Variants in LMX1A observed in about 807,000 individuals in gnomAD.
The protein encoded by LMX1A is LIM homeobox transcription factor 1-alpha.
In LMX1A, 15 loss-of-function variants were observed where a neutral mutation model predicts 49.1. The observed-to-expected ratio is 0.31, with a 90% CI of 0.20 to 0.47. The LOEUF (loss-of-function observed/expected upper bound fraction) is 0.47, where lower values mean the gene tolerates loss of function less well. LMX1A is among the 20% of genes least tolerant of loss of function. The pLI, the probability that LMX1A is intolerant of heterozygous loss-of-function variation, is 1.00. For synonymous variants in LMX1A, 167 were observed against 185.7 expected (o/e 0.90, Z 0.82); for missense variants, 372 against 475.8 (o/e 0.78, Z 2.03).
At chr1:165,281,654 T>C (rs1367569692) in intron 3 of LMX1A, among the ~76,000 whole-genome samples, 1 of 152,172 alleles carries the variant, frequency 6.6e-6, no homozygotes, top group African/African-American at 2.4e-5. Flanking sequence ...AGGAGATCAA[T>C]GTGTGCATTT....
intron 8 of LMX1A, among the ~76,000 whole-genome samples, chr1:165,204,973 A>G (rs1227500703): frequency 6.6e-6 from 1 of 152,170 alleles, no homozygotes; most frequent in Non-Finnish European, 1.5e-5. Flanking sequence ...GATATGGGAA[A>G]GTAGGCGTGA....
chr1:165,250,921 G>T (rs1267859927), intron 3 of LMX1A, among the ~76,000 whole-genome samples: 1 of 152,134 alleles, frequency 6.6e-6, no homozygotes, highest in Non-Finnish European at 1.5e-5. Flanking sequence ...CTGTGTGAAG[G>T]CCTGGAGCCA....
intron 3 of LMX1A, among the ~76,000 whole-genome samples, chr1:165,278,840 A>T (rs1344535803): frequency 6.6e-6 from 1 of 152,216 alleles, no homozygotes; most frequent in East Asian, 1.9e-4. Flanking sequence ...CTGGAGCATT[A>T]ACCCTGCACC....
At chr1:165,323,316 A>G (rs1655476675) in intron 3 of LMX1A, among the ~76,000 whole-genome samples, 1 of 152,242 alleles carries the variant, frequency 6.6e-6, no homozygotes, top group Non-Finnish European at 1.5e-5. Context: ...ATGTAAGGTC[A>G]TAATATAATC....
chr1:165,254,741 TC>T (rs1214171543), intron 3 of LMX1A, among the ~76,000 whole-genome samples: 4 of 152,098 alleles, frequency 2.6e-5, no homozygotes, highest in African/African-American at 9.7e-5. Context: ...CATGGTTACT[TC>T]CCCCACTGAA....
chr1:165,279,489 A>G (rs1325055528), intron 3 of LMX1A, among the ~76,000 whole-genome samples: 1 of 152,178 alleles, frequency 6.6e-6, no homozygotes, highest in Admixed American at 6.5e-5. Context: ...ACTGGCATTA[A>G]TTCCATCTAC....
At chr1:165,239,843 TG>T (rs1652582884) in intron 4 of LMX1A, among the ~76,000 whole-genome samples, 2 of 152,208 alleles carry the variant, frequency 1.3e-5, no homozygotes, top group African/African-American at 4.8e-5. Flanking sequence ...ACCAAGCCTT[TG>T]GGCCCAGAGA....
chr1:165,301,736 A>AG (rs1424228181), intron 3 of LMX1A, among the ~76,000 whole-genome samples: 1 of 152,238 alleles, frequency 6.6e-6, no homozygotes, highest in Admixed American at 6.5e-5. Flanking sequence ...AAACAAAACA[A>AG]AACAAGAACA....
chr1:165,300,982 A>G (rs1654758370), intron 3 of LMX1A, among the ~76,000 whole-genome samples: 2 of 152,166 alleles, frequency 1.3e-5, no homozygotes, highest in African/African-American at 4.8e-5. Context: ...AGTAGGCTCA[A>G]TCTGTAATGA....
intron 4 of LMX1A, among the ~76,000 whole-genome samples, chr1:165,219,384 A>AGCCT (rs1239722470): frequency 6.6e-6 from 1 of 152,148 alleles, no homozygotes; most frequent in Non-Finnish European, 1.5e-5. Context: ...CCCAGAGATG[A>AGCCT]GCCTCATAAA....
intron 4 of LMX1A, among the ~76,000 whole-genome samples, chr1:165,221,951 GCA>G (rs1384715927): frequency 7.5e-5 from 10 of 132,956 alleles, no homozygotes; most frequent in Non-Finnish European, 1.1e-4. Context: ...ACACGCACAC[GCA>G]CACACACACG....
At chr1:165,207,217 G>T (rs1651123234) in intron 7 of LMX1A, among the ~76,000 whole-genome samples, 1 of 152,210 alleles carries the variant, frequency 6.6e-6, no homozygotes, top group Non-Finnish European at 1.5e-5. Context: ...CCTGTTTTAA[G>T]GTACAGACCA....
intron 3 of LMX1A, among the ~76,000 whole-genome samples, chr1:165,332,080 G>A (rs7542963): frequency 0.89 from 135,975 of 152,130 alleles, 61,008 homozygotes; most frequent in Middle Eastern, 0.95. Context: ...TGAATTTTTA[G>A]GGAGGTATAT....
chr1:165,296,162 A>G (rs896846052), intron 3 of LMX1A, among the ~76,000 whole-genome samples: 3 of 152,212 alleles, frequency 2.0e-5, no homozygotes, highest in Admixed American at 1.3e-4. Flanking sequence ...ACTTTTCAAA[A>G]GACATGGTGA....
chr1:165,252,307 A>G (rs1653089798), intron 3 of LMX1A, among the ~76,000 whole-genome samples: 1 of 152,242 alleles, frequency 6.6e-6, no homozygotes, highest in South Asian at 2.1e-4. Context: ...CACATAATAG[A>G]TATCCAATAA....
intron 3 of LMX1A, among the ~76,000 whole-genome samples, chr1:165,272,683 C>T (rs148628086): frequency 1.4e-3 from 212 of 152,196 alleles, no homozygotes; most frequent in African/African-American, 4.8e-3. Context: ...CATTGCCTGG[C>T]GAGTGCTGAA....
intron 3 of LMX1A, among the ~76,000 whole-genome samples, chr1:165,282,957 G>A (rs1654196114): frequency 6.6e-6 from 1 of 152,180 alleles, no homozygotes. Context: ...CCTCTACTCT[G>A]ACTTATAAAA....
intron 3 of LMX1A, among the ~76,000 whole-genome samples, chr1:165,265,210 A>AG (rs1653586173): frequency 6.6e-6 from 1 of 151,718 alleles, no homozygotes; most frequent in Non-Finnish European, 1.5e-5. Flanking sequence ...TCTCAAAAAA[A>AG]AAAAAAAAGA....
rs911178311 is a variant in LMX1A at position 165,202,319 on chromosome 1, A to C, written c.*1561T>G. On this transcript the variant is annotated 3_prime_UTR_variant, in exon 9 of 9. Transcript: ENST00000342310. Reference sequence around the variant, plus strand: ...CATCCTAGCACCGCAACTGGAGACCAGGGTGTGGAACTGTCCCCATGTACA... The same window carrying C: ...CATCCTAGCACCGCAACTGGAGACCCGGGTGTGGAACTGTCCCCATGTACA... The C allele has an allele frequency of 8.5e-5, 13 of 152,668 alleles. No homozygotes were observed. Among genetic ancestry groups the C allele is most frequent in the African/African-American group, 3.1e-4 (13 of 41,456 alleles). 9.5% of individuals were successfully genotyped at this position (152,668 alleles called of 1,614,324 possible).
Sources: allele counts gnomAD v4.1 joint callset (sites outside exome capture counted in the v4.1 genomes callset), GRCh38; gene constraint gnomAD v4.1.1; transcripts MANE v1.5; gene names NCBI Gene and HGNC (gene_info 2026-07-23, HGNC 2026-07-21).